Variants in ADGRB3 observed in about 807,000 individuals in gnomAD.
ADGRB3 encodes the protein brain-specific angiogenesis inhibitor 3.
In ADGRB3, 37 loss-of-function variants were observed where a neutral mutation model predicts 193.4. That is an observed-to-expected ratio of 0.19 (90% CI 0.15 to 0.25). The LOEUF (loss-of-function observed/expected upper bound fraction) is 0.25, where lower values mean the gene tolerates loss of function less well. ADGRB3 is among the 10% of genes least tolerant of loss of function. The pLI is 1.00. For missense variants in ADGRB3, 1,637 were observed against 1,852.9 expected, an observed-to-expected ratio of 0.88 and a Z score of 2.14; for synonymous variants, 690 against 644.2, an observed-to-expected ratio of 1.07 and a Z score of -1.08.
At chr6:69,267,692 G>A (rs1767078505) in intron 20 of ADGRB3, among the ~76,000 whole-genome samples, 1 of 152,088 alleles carries the variant, frequency 6.6e-6, no homozygotes, top group Admixed American at 6.6e-5. Flanking sequence ...ATTCACCAAT[G>A]GATATCAAAG....
intron 10 of ADGRB3, among the ~76,000 whole-genome samples, chr6:68,981,070 C>A (rs946774490): frequency 2.0e-5 from 3 of 151,548 alleles, no homozygotes; most frequent in African/African-American, 7.2e-5. Flanking sequence ...ATCATGTGGA[C>A]AACTTAGTAC....
At chr6:69,219,658 G>C (rs551636578) in intron 17 of ADGRB3, among the ~76,000 whole-genome samples, 10 of 151,420 alleles carry the variant, frequency 6.6e-5, no homozygotes, top group Non-Finnish European at 1.2e-4. Flanking sequence ...ACAGGTAAAT[G>C]TGCATGGTGT....
rs1458049954 is a variant in ADGRB3, at chr6:68,991,506, G to A, written c.1735-2262G>A. Reference sequence around the variant, plus strand: ...TCAGGTAAGACCTTTCTGAGAAGGCGACAAAAAGCATGTGAATGCTTGTGG... The same window carrying A: ...TCAGGTAAGACCTTTCTGAGAAGGCAACAAAAAGCATGTGAATGCTTGTGG... On this transcript the variant is annotated intron_variant, in intron 10 of 31. Transcript: ENST00000370598. Among the ~76,000 whole-genome samples the A allele has an allele frequency of 2.6e-5, 4 of 151,076 alleles. No homozygotes were observed. In the East Asian group the frequency reaches 7.9e-4, roughly 30 times the overall value.
At chr6:68,952,567 C>CA (rs753875375) in intron 6 of ADGRB3, among the ~76,000 whole-genome samples, 12 of 151,982 alleles carry the variant, frequency 7.9e-5, no homozygotes, top group Non-Finnish European at 1.6e-4. Flanking sequence ...CATAATAGTG[C>CA]AATTACACCA....
chr6:68,772,914 T>C (rs1186270532), intron 3 of ADGRB3, among the ~76,000 whole-genome samples: 2 of 60,346 alleles, frequency 3.3e-5, no homozygotes, highest in African/African-American at 2.0e-4. Flanking sequence ...TATATATATA[T>C]ATATATATAT....
At chr6:69,257,552 AGAT>A (rs1490989867) in intron 20 of ADGRB3, among the ~76,000 whole-genome samples, 1 of 152,194 alleles carries the variant, frequency 6.6e-6, no homozygotes, top group Non-Finnish European at 1.5e-5. Context: ...GTAAATAAAA[AGAT>A]GATGTTTGAG....
chr6:69,297,206 T>C (rs1436115710), intron 20 of ADGRB3, among the ~76,000 whole-genome samples: 1 of 152,106 alleles, frequency 6.6e-6, no homozygotes, highest in Non-Finnish European at 1.5e-5. Flanking sequence ...TGTTTGTTAA[T>C]ATGTGACATC....
chr6:69,274,447 T>C (rs556509610), intron 20 of ADGRB3, among the ~76,000 whole-genome samples: 1 of 127,888 alleles, frequency 7.8e-6, no homozygotes, highest in East Asian at 2.0e-4. Context: ...TGGTTGCATT[T>C]CCTTCCTTCC....
At position 68,908,583 on chromosome 6, in the gene ADGRB3, A is replaced by G. The variant is rs1335417070; in HGVS notation, c.758-21976A>G. On this transcript the variant is annotated intron_variant, in intron 3 of 31. Coordinates refer to ENST00000370598, the MANE Select transcript of ADGRB3 (RefSeq NM_001704.3). The stretch of plus-strand genomic sequence containing the variant: ...ATCACAGTCAAAAGTCAGTAAGCCT[A>G]TATCATCATATTGACAGTCTTAGTC... Among the ~76,000 whole-genome samples, 5 of 152,114 alleles carry G rather than the reference A, an allele frequency of 3.3e-5. No individual in the cohort carries two copies. In the East Asian group the frequency reaches 5.8e-4, roughly 18 times the overall value.
At chr6:69,167,680 C>T (rs978363800) in intron 17 of ADGRB3, among the ~76,000 whole-genome samples, 1 of 152,096 alleles carries the variant, frequency 6.6e-6, no homozygotes, top group Non-Finnish European at 1.5e-5. Flanking sequence ...AGCAGAAAGG[C>T]CTTGTGCTAC....
At chr6:69,148,906 A>G (rs1774583051) in intron 17 of ADGRB3, among the ~76,000 whole-genome samples, 1 of 152,132 alleles carries the variant, frequency 6.6e-6, no homozygotes, top group South Asian at 2.1e-4. Flanking sequence ...TTTGCCAGAC[A>G]TATTGGAGCT....
intron 3 of ADGRB3, among the ~76,000 whole-genome samples, chr6:68,766,736 A>G (rs146930692): frequency 6.1e-4 from 93 of 152,116 alleles, no homozygotes; most frequent in African/African-American, 1.9e-3. Flanking sequence ...ATGAGAATTT[A>G]CTAGTCAAAC....
chr6:69,163,499 T>C (rs566368430), intron 17 of ADGRB3, among the ~76,000 whole-genome samples: 4 of 152,170 alleles, frequency 2.6e-5, no homozygotes, highest in Admixed American at 1.3e-4. Context: ...ATTCAAATTA[T>C]GTGAAAAAAA....
chr6:69,097,592 C>T (rs1772918845), intron 17 of ADGRB3, among the ~76,000 whole-genome samples: 1 of 152,084 alleles, frequency 6.6e-6, no homozygotes, highest in Non-Finnish European at 1.5e-5. Context: ...AACATAACCA[C>T]ATGTTTTCCT....
chr6:68,716,337 G>T (rs1765489092), intron 3 of ADGRB3, among the ~76,000 whole-genome samples: 1 of 151,630 alleles, frequency 6.6e-6, no homozygotes, highest in African/African-American at 2.4e-5. Flanking sequence ...TAATTGGAAA[G>T]ATTGAATTGT....
chr6:69,063,110 A>G, intron 16 of ADGRB3, 74 bp downstream of exon 16: 4 of 1,099,574 alleles, frequency 3.6e-6, no homozygotes, highest in Non-Finnish European at 5.5e-6. Context: ...AACTGATAAC[A>G]CCAGAATACA....
At chr6:69,367,580 T>C (rs375768168) in intron 29 of ADGRB3, among the ~76,000 whole-genome samples, 4 of 151,986 alleles carry the variant, frequency 2.6e-5, no homozygotes, top group South Asian at 2.1e-4. Flanking sequence ...TGGTATGTGA[T>C]TGTGGTTTTG....
intron 13 of ADGRB3, among the ~76,000 whole-genome samples, chr6:69,025,523 C>CTTT (rs5877186): frequency 7.2e-6 from 1 of 139,652 alleles, no homozygotes; most frequent in African/African-American, 2.6e-5. Context: ...CACAATTTAA[C>CTTT]TTTTTTTTTT....
chr6:68,827,202 C>G (rs1329183881), intron 3 of ADGRB3, among the ~76,000 whole-genome samples: 1 of 151,926 alleles, frequency 6.6e-6, no homozygotes, highest in East Asian at 1.9e-4. Context: ...ATTAGGAGAA[C>G]AACATGTTAA....
Sources: allele counts gnomAD v4.1 joint callset (sites outside exome capture counted in the v4.1 genomes callset), GRCh38; gene constraint gnomAD v4.1.1; transcripts MANE v1.5; gene names NCBI Gene and HGNC (gene_info 2026-07-23, HGNC 2026-07-21).